COMMD1: variants seen among roughly 807,000 people sequenced by gnomAD.
COMMD1 encodes the protein COMM domain-containing protein 1.
In COMMD1, 10 loss-of-function variants were observed where a neutral mutation model predicts 17.2. The ratio of observed to expected loss-of-function variants is 0.58; its 90% CI spans 0.36 to 0.99. The LOEUF (loss-of-function observed/expected upper bound fraction) is 0.99, where lower values mean the gene tolerates loss of function less well. Ranked by LOEUF, COMMD1 falls within the 50% of genes least tolerant of loss-of-function variation. COMMD1 has a pLI of 0.01. For synonymous variants in COMMD1, 97 were observed against 91.6 expected (o/e 1.06, Z -0.34); for missense variants, 270 against 231.8 (o/e 1.17, Z -1.07).
At chr2:62,057,002 A>C (rs576346152) in intron 2 of COMMD1, among the ~76,000 whole-genome samples, 4 of 152,292 alleles carry the variant, frequency 2.6e-5, no homozygotes, top group Admixed American at 1.3e-4. Context: ...CAGTGACAGC[A>C]ACCAAAACAA....
At chr2:62,004,730 A>G (rs1669064695) in intron 2 of COMMD1, among the ~76,000 whole-genome samples, 1 of 152,220 alleles carries the variant, frequency 6.6e-6, no homozygotes, top group South Asian at 2.1e-4. Flanking sequence ...TTTTGTGAGA[A>G]CTGGATCCTT....
chr2:62,110,214 G>A (rs922950010), intron 2 of COMMD1, among the ~76,000 whole-genome samples: 3 of 151,830 alleles, frequency 2.0e-5, no homozygotes, highest in African/African-American at 7.3e-5. Flanking sequence ...GGACTACAGG[G>A]GTGCACCAAC....
intron 1 of COMMD1, among the ~76,000 whole-genome samples, chr2:61,989,934 T>C (rs1372566365): frequency 3.3e-5 from 5 of 152,196 alleles, no homozygotes; most frequent in African/African-American, 9.7e-5. Flanking sequence ...TTTTAATAAA[T>C]ACCACTAGTT....
chr2:61,899,042 T>C (rs1405818204), intron 1 of COMMD1, among the ~76,000 whole-genome samples: 1 of 152,222 alleles, frequency 6.6e-6, no homozygotes, highest in Non-Finnish European at 1.5e-5. Context: ...CACTCTGATA[T>C]TTTGGAACGT....
At chr2:62,024,828 G>A (rs1046594201) in intron 2 of COMMD1, among the ~76,000 whole-genome samples, 2 of 152,024 alleles carry the variant, frequency 1.3e-5, no homozygotes, top group Admixed American at 1.3e-4. Context: ...AAAATAATTG[G>A]TACATATAGG....
chr2:61,941,335 G>A (rs11690855), intron 1 of COMMD1, among the ~76,000 whole-genome samples: 18,196 of 152,154 alleles, frequency 0.12, 2,608 homozygotes, highest in African/African-American at 0.34. Flanking sequence ...GCCTACTCCA[G>A]TGTTTTATTA....
chr2:61,948,964 T>A (rs1670983711), intron 1 of COMMD1, among the ~76,000 whole-genome samples: 1 of 152,158 alleles, frequency 6.6e-6, no homozygotes, highest in Admixed American at 6.5e-5. Context: ...TATTTAGGTT[T>A]TCTCACAGAA....
intron 1 of COMMD1, among the ~76,000 whole-genome samples, chr2:61,930,931 C>T (rs186760451): frequency 6.6e-5 from 10 of 151,864 alleles, no homozygotes; most frequent in Admixed American, 5.9e-4. Flanking sequence ...CTCAGTGGCT[C>T]CATAGCCAAT....
At chr2:62,129,571 G>A (rs942250133) in intron 2 of COMMD1, among the ~76,000 whole-genome samples, 1 of 152,222 alleles carries the variant, frequency 6.6e-6, no homozygotes, top group Non-Finnish European at 1.5e-5. Context: ...GTGGGAATGA[G>A]TGGTGAACAC....
intron 2 of COMMD1, among the ~76,000 whole-genome samples, chr2:62,007,470 C>A (rs1669152968): frequency 1.3e-5 from 2 of 152,146 alleles, no homozygotes; most frequent in African/African-American, 2.4e-5. Context: ...AAACTAAATA[C>A]AATCATGCTC....
At chr2:61,993,778 ATAT>A (rs1385786258) in intron 1 of COMMD1, among the ~76,000 whole-genome samples, 1 of 152,228 alleles carries the variant, frequency 6.6e-6, no homozygotes, top group Admixed American at 6.5e-5. Flanking sequence ...CTAGTTCAAG[ATAT>A]TATTGACTGG....
At chr2:62,123,250 A>G (rs962923756) in intron 2 of COMMD1, among the ~76,000 whole-genome samples, 1 of 152,158 alleles carries the variant, frequency 6.6e-6, no homozygotes, top group Non-Finnish European at 1.5e-5. Context: ...TCACACCTGT[A>G]ATCCCAGCAC....
intron 1 of COMMD1, among the ~76,000 whole-genome samples, chr2:61,951,183 G>A (rs989325284): frequency 6.6e-6 from 1 of 152,166 alleles, no homozygotes; most frequent in African/African-American, 2.4e-5. Context: ...TCTTTCTGCG[G>A]CTGGGCACAG....
At chr2:62,129,902 G>A (rs963520206) in intron 2 of COMMD1, among the ~76,000 whole-genome samples, 1 of 152,134 alleles carries the variant, frequency 6.6e-6, no homozygotes, top group Non-Finnish European at 1.5e-5. Context: ...TGAGCCGGGC[G>A]CCGTGGCTTA....
chr2:62,068,425 T>G (rs1212365270), intron 2 of COMMD1, among the ~76,000 whole-genome samples: 1 of 152,152 alleles, frequency 6.6e-6, no homozygotes, highest in African/African-American at 2.4e-5. Flanking sequence ...CAAAGAATTC[T>G]TAGATATAAC....
upstream of COMMD1, chr2:61,888,564 G>A (rs911581387): frequency 1.3e-6 from 2 of 1,579,452 alleles, no homozygotes; most frequent in Admixed American, 3.5e-5. Flanking sequence ...CCGGATTCTG[G>A]CCGGCCGCAG....
At chr2:62,056,850 C>T (rs1030859099) in intron 2 of COMMD1, among the ~76,000 whole-genome samples, 2 of 152,244 alleles carry the variant, frequency 1.3e-5, no homozygotes, top group South Asian at 4.1e-4. Flanking sequence ...TCACAAATGA[C>T]GGAGGCCTTG....
At chr2:62,045,466 C>T (rs1573111085) in intron 2 of COMMD1, among the ~76,000 whole-genome samples, 1 of 152,018 alleles carries the variant, frequency 6.6e-6, no homozygotes, top group Non-Finnish European at 1.5e-5. Context: ...TTCTTGTGGC[C>T]TTTGATTAGT....
intron 2 of COMMD1, among the ~76,000 whole-genome samples, chr2:62,018,036 A>T (rs1459799947): frequency 6.6e-6 from 1 of 151,832 alleles, no homozygotes; most frequent in Non-Finnish European, 1.5e-5. Context: ...GCGTCAGAGC[A>T]TGACCTATCT....
Sources: allele counts gnomAD v4.1 joint callset (sites outside exome capture counted in the v4.1 genomes callset), GRCh38; gene constraint gnomAD v4.1.1; transcripts MANE v1.5; gene names NCBI Gene and HGNC (gene_info 2026-07-23, HGNC 2026-07-21).